The following TRMT10A variants were observed in gnomAD, a reference collection of about 807,000 sequenced individuals.
The protein encoded by TRMT10A is tRNA methyltransferase 10A, also known as tRNA methyltransferase 10 homolog A.
A neutral mutation model predicts 40.4 loss-of-function variants in TRMT10A; 37 were observed. The observed-to-expected ratio is 0.92, with a 90% CI of 0.71 to 1.21. The LOEUF (loss-of-function observed/expected upper bound fraction) is 1.21. Ranked by LOEUF, TRMT10A falls within the 50% of genes most tolerant of loss-of-function variation. The pLI, the probability that TRMT10A is intolerant of heterozygous loss-of-function variation, is 0.00. For synonymous variants in TRMT10A, 103 were observed against 134.1 expected, an observed-to-expected ratio of 0.77 and a Z score of 1.60; for missense variants, 388 against 404.3, an observed-to-expected ratio of 0.96 and a Z score of 0.35.
intron 7 of TRMT10A, among the ~76,000 whole-genome samples, chr4:99,550,180 A>C (rs1373868903): frequency 1.3e-5 from 2 of 152,172 alleles, no homozygotes; most frequent in African/African-American, 4.8e-5. Context: ...CATAGCCATT[A>C]ACAACCATTT....
At chr4:99,553,979 T>G in intron 5 of TRMT10A, 45 bp from the exon 6 acceptor site, 1 of 1,570,496 alleles carries the variant, frequency 6.4e-7, no homozygotes, top group Non-Finnish European at 8.6e-7. Context: ...TAAGACCTTA[T>G]GAAAGTTGGC....
In TRMT10A at chr4:99,563,953, A is replaced by G. The variant is rs1337702707; in HGVS notation, c.-64T>C. 1 of 1,004,278 alleles carries G rather than the reference A, an allele frequency of 1.0e-6. No individual in the cohort carries two copies. 62.2% of individuals were successfully genotyped at this position (1,004,278 alleles called of 1,614,324 possible). On this transcript the variant is annotated 5_prime_UTR_variant, in exon 1 of 8. Coordinates refer to ENST00000394876, the MANE Select transcript of TRMT10A (RefSeq NM_001134665.3). ...ACAGGGAAGTGAAATCTCAGAAAGA[A>G]AGCCTTTCTGGGTTGGCCTGGTTAC...
In TRMT10A at chr4:99,546,933, C is replaced by T. The variant is rs1723758379; in HGVS notation, c.*2155G>A. On this transcript the variant is annotated 3_prime_UTR_variant, in exon 8 of 8. Transcript: ENST00000394876. The stretch of plus-strand genomic sequence containing the variant: ...TATCAAAAGAGGTAGTAATCTTCAC[C>T]TTCTTGCCACCAACATCCTAGATAA... 1 of 151,838 alleles carries T rather than the reference C, an allele frequency of 6.6e-6. No homozygotes were observed. The allele number at this position is 151,838 out of a possible 1,614,324, so 9.4% of individuals were successfully genotyped here.
intron 5 of TRMT10A, among the ~76,000 whole-genome samples, chr4:99,555,515 T>C (rs569047307): frequency 1.3e-5 from 2 of 152,350 alleles, no homozygotes; most frequent in Non-Finnish European, 2.9e-5. Flanking sequence ...AATATTCTAG[T>C]ATCCAAATTT....
In TRMT10A at chr4:99,549,366, A is replaced by T. The variant is rs1723876053; in HGVS notation, c.752-10T>A. ...AGAATAATTTCAAACACTGCAATAA[A>T]GACATATTCCGTACATTTCTTAGCC... On this transcript the variant is annotated splice_polypyrimidine_tract_variant and intron_variant, in intron 7 of 7. Coordinates refer to ENST00000394876, the MANE Select transcript of TRMT10A (RefSeq NM_001134665.3). 1.9e-6 allele frequency: 3 copies of T among 1,612,628 alleles called. No individual in the cohort carries two copies. The highest frequency in any genetic ancestry group is 1.7e-4 in the Middle Eastern group (1 of 6,052).
rs753782533 is a variant in TRMT10A at position 99,559,180 on chromosome 4, T to C, written c.159A>G (p.Gln53=). 4 of 1,612,814 alleles carry C rather than the reference T, an allele frequency of 2.5e-6. No individual in the cohort carries two copies. The highest frequency in any genetic ancestry group is 3.4e-6 in the Non-Finnish European group (4 of 1,179,216). ...RQMKKLIKQK[Q]WEEQRELRKQ... The stretch of plus-strand genomic sequence containing the variant: ...TGCGGAGTTCCCGTTGCTCTTCCCA[T>C]TGTTTCTGTTTTATTAGTTTTTTCA... The change falls in exon 2 of 8, where the codon CAA becomes CAG. Residue 53 remains glutamine (Q), a synonymous_variant. Transcript: ENST00000394876.
chr4:99,555,760 A>T (rs28608631), intron 5 of TRMT10A, among the ~76,000 whole-genome samples: 39,759 of 152,018 alleles, frequency 0.26, 5,367 homozygotes, highest in South Asian at 0.35. Flanking sequence ...CCACATGTGG[A>T]TAGTGGCCAG....
chr4:99,553,757 A>C, intron 6 of TRMT10A, 28 bp downstream of exon 6: 2 of 1,581,050 alleles, frequency 1.3e-6, no homozygotes, highest in Admixed American at 3.8e-5. Context: ...AAGAACAAGC[A>C]AAAGCAAAAA....
chr4:99,563,827 T>G, intron 1 of TRMT10A, 86 bp downstream of exon 1: 2 of 641,898 alleles, frequency 3.1e-6, no homozygotes, highest in South Asian at 3.0e-5. Flanking sequence ...CCCTTGTTGC[T>G]AGTAGGGGGC....
At position 99,547,214 on chromosome 4, in the gene TRMT10A, T is replaced by C. The variant is rs749557463; in HGVS notation, c.*1874A>G. On this transcript the variant is annotated 3_prime_UTR_variant, in exon 8 of 8. Coordinates refer to ENST00000394876, the MANE Select transcript of TRMT10A (RefSeq NM_001134665.3). ...AACTGAGATTGGAGTCAAGCCACTA[T>C]AGGCTAAGGAACAGCAGGGATTGCT... 2.6e-5 allele frequency: 4 copies of C among 152,068 alleles called. No individual in the cohort carries two copies. The highest frequency in any genetic ancestry group is 1.9e-4 in the East Asian group (1 of 5,190). 9.4% of individuals were successfully genotyped at this position (152,068 alleles called of 1,614,324 possible).
At chr4:99,556,988 G>A (rs1156785286) in intron 4 of TRMT10A, among the ~76,000 whole-genome samples, 1 of 152,086 alleles carries the variant, frequency 6.6e-6, no homozygotes, top group Non-Finnish European at 1.5e-5. Flanking sequence ...TATGTCAAGC[G>A]GTGGCAGCCA....
chr4:99,551,211 G>A (rs1327744075), intron 6 of TRMT10A, among the ~76,000 whole-genome samples: 2 of 152,128 alleles, frequency 1.3e-5, no homozygotes, highest in Non-Finnish European at 2.9e-5. Context: ...AGCTCCTCAA[G>A]TTACAAATGA....
chr4:99,560,792 A>C (rs1227278898), intron 1 of TRMT10A, among the ~76,000 whole-genome samples: 5 of 152,194 alleles, frequency 3.3e-5, no homozygotes, highest in African/African-American at 1.2e-4. Context: ...CGAGTGGAGG[A>C]AACTTAAAAG....
intron 5 of TRMT10A, among the ~76,000 whole-genome samples, chr4:99,554,847 T>A (rs1295994381): frequency 6.6e-6 from 1 of 151,994 alleles, no homozygotes; most frequent in Admixed American, 6.5e-5. Flanking sequence ...AATTGTCAGG[T>A]CACAGGTACA....
At chr4:99,557,542 A>C in intron 3 of TRMT10A, 126 bp from the exon 4 acceptor site, 1 of 683,844 alleles carries the variant, frequency 1.5e-6, no homozygotes, top group Non-Finnish European at 2.3e-6. Flanking sequence ...TTAAATACAA[A>C]TGCATTCTGA....
At chr4:99,558,582 G>A (rs1046802355) in intron 2 of TRMT10A, among the ~76,000 whole-genome samples, 3 of 151,868 alleles carry the variant, frequency 2.0e-5, no homozygotes, top group Non-Finnish European at 4.4e-5. Flanking sequence ...ATAAGGTATA[G>A]AAAAAAGCAA....
Position 99,557,343 on chromosome 4 carries a change from A to C in TRMT10A, c.420+2T>G, listed in dbSNP as rs1301653619. On this transcript the variant is annotated splice_donor_variant, in intron 4 of 7. Transcript: ENST00000394876. LOFTEE classifies it high-confidence loss of function. ...AGTCTGCTTTAAAATCTTTACACAT[A>C]CCTGCACAGGATGCAGTGCCCGTCG... The C allele has an allele frequency of 6.2e-7, 1 of 1,612,512 alleles. No homozygotes were observed. The highest frequency in any genetic ancestry group is 1.7e-5 in the Admixed American group (1 of 59,836).
chr4:99,551,717 G>C (rs1439080154), intron 6 of TRMT10A, among the ~76,000 whole-genome samples: 1 of 151,976 alleles, frequency 6.6e-6, no homozygotes, highest in Non-Finnish European at 1.5e-5. Context: ...AGGTCCTTCA[G>C]GAGATATTCC....
At chr4:99,556,779 C>CGTTA (rs1275856479) in intron 4 of TRMT10A, among the ~76,000 whole-genome samples, 1 of 152,152 alleles carries the variant, frequency 6.6e-6, no homozygotes, top group Non-Finnish European at 1.5e-5. Context: ...GTTCCTGGTT[C>CGTTA]TTAACATCAG....
Sources: gnomAD v4.1 joint callset for allele counts (sites outside exome capture counted in the v4.1 genomes callset) on GRCh38, gnomAD v4.1.1 for gene constraint, MANE v1.5 for transcripts, NCBI Gene and HGNC (gene_info 2026-07-23, HGNC 2026-07-21) for gene names.